FMNL2: variants seen among roughly 807,000 people sequenced by gnomAD.
FMNL2 encodes formin like 2.
In FMNL2, 51 loss-of-function variants were observed where a neutral mutation model predicts 130.2. That is an observed-to-expected ratio of 0.39 (90% CI 0.31 to 0.49). The LOEUF is 0.49. Among genes scored for constraint, FMNL2 ranks in the 20% least tolerant of loss-of-function variants. The pLI is 0.85. For missense variants in FMNL2, 977 were observed against 1,316.2 expected (o/e 0.74, Z 3.99); for synonymous variants, 465 against 467.1 (o/e 1.00, Z 0.06).
chr2:152,412,808 A>G (rs995548784), intron 1 of FMNL2, among the ~76,000 whole-genome samples: 1 of 151,674 alleles, frequency 6.6e-6, no homozygotes, highest in African/African-American at 2.4e-5. Context: ...CCCTGTCTCA[A>G]AAAAAAAGCT....
chr2:152,558,880 C>T, intron 5 of FMNL2, 57 bp downstream of exon 5: 2 of 1,456,200 alleles, frequency 1.4e-6, no homozygotes, highest in Non-Finnish European at 1.9e-6. Context: ...GCAGATGCTA[C>T]TCAGTGGTAA....
intron 1 of FMNL2, among the ~76,000 whole-genome samples, chr2:152,408,075 AGAG>A (rs879796673): frequency 3.3e-5 from 5 of 152,146 alleles, no homozygotes; most frequent in African/African-American, 4.8e-5. Flanking sequence ...ACAGGGTTGG[AGAG>A]TTTCTCTGGT....
At chr2:152,451,072 G>A (rs1688614958) in intron 1 of FMNL2, among the ~76,000 whole-genome samples, 1 of 152,218 alleles carries the variant, frequency 6.6e-6, no homozygotes, top group Non-Finnish European at 1.5e-5. Context: ...AAAACCATGG[G>A]AGGAGATAAC....
chr2:152,595,101 A>G (rs940220999), intron 9 of FMNL2, among the ~76,000 whole-genome samples: 17 of 152,176 alleles, frequency 1.1e-4, no homozygotes, highest in Admixed American at 2.6e-4. Context: ...CCCTGCCAAT[A>G]ACTGTACTAG....
At chr2:152,388,446 C>A (rs899188847) in intron 1 of FMNL2, among the ~76,000 whole-genome samples, 1 of 152,104 alleles carries the variant, frequency 6.6e-6, no homozygotes, top group Non-Finnish European at 1.5e-5. Flanking sequence ...GAGAAAAGCC[C>A]TTACGAAACC....
At chr2:152,519,875 C>T (rs950749838) in intron 1 of FMNL2, among the ~76,000 whole-genome samples, 18 of 152,242 alleles carry the variant, frequency 1.2e-4, no homozygotes, top group Non-Finnish European at 1.5e-5. Context: ...AGGAAAAGAA[C>T]TCATTTAATT....
chr2:152,626,559 A>G lies in FMNL2; in HGVS notation c.1997A>G (p.Lys666Arg). 6.2e-7 allele frequency: 1 copy of G among 1,611,080 alleles called. No homozygotes were observed. Among genetic ancestry groups the G allele is most frequent in the South Asian group, 1.1e-5 (1 of 90,282 alleles). Reference protein sequence around the residue: ...LNVDEFEEIFKTKAQGPAIDL... With the variant: ...LNVDEFEEIFRTKAQGPAIDL... ...GTGGATGAATTTGAGGAAATATTCA[A>G]GACAAAAGCCCAAGGACCTGCCATT... Residue 666 changes from lysine (K) to arginine (R), a missense_variant, in exon 17 of 26, where the codon AAG (lysine) becomes AGG (arginine). Lys to Arg is a conservative substitution (Grantham distance 26, BLOSUM62 2). Around this residue, in one of 4 missense-constraint regions of FMNL2, gnomAD observed 689 missense variants for 995.9 expected, o/e 0.69. Coordinates refer to ENST00000288670, the MANE Select transcript of FMNL2 (RefSeq NM_052905.4).
chr2:152,545,870 C>T (rs111299631), intron 3 of FMNL2, among the ~76,000 whole-genome samples: 64 of 152,180 alleles, frequency 4.2e-4, no homozygotes, highest in African/African-American at 1.4e-3. Flanking sequence ...AGAATCTAGC[C>T]GAAAATTGAG....
chr2:152,358,220 G>C (rs994427151), intron 1 of FMNL2, among the ~76,000 whole-genome samples: 1 of 152,116 alleles, frequency 6.6e-6, no homozygotes, highest in Non-Finnish European at 1.5e-5. Flanking sequence ...AGGGGCTCTC[G>C]GGCATTTGGC....
chr2:152,376,722 T>C (rs1443698845), intron 1 of FMNL2, among the ~76,000 whole-genome samples: 1 of 152,244 alleles, frequency 6.6e-6, no homozygotes, highest in East Asian at 1.9e-4. Context: ...GGCTCTTCTT[T>C]ATTCTCAGAG....
At chr2:152,385,289 G>A (rs1369630749) in intron 1 of FMNL2, among the ~76,000 whole-genome samples, 1 of 152,252 alleles carries the variant, frequency 6.6e-6, no homozygotes, top group African/African-American at 2.4e-5. Flanking sequence ...TTCTCTTGCA[G>A]AGAGTAAAGA....
rs140029440 is a variant in FMNL2 at position 152,496,180 on chromosome 2, C to T, written c.118-25763C>T. Reference sequence around the variant, plus strand: ...CTTTTCTGGGTCCGGGATCTAGGGCCGGTTCCTACATTGCATTTAGTTGTT... The same window carrying T: ...CTTTTCTGGGTCCGGGATCTAGGGCTGGTTCCTACATTGCATTTAGTTGTT... On this transcript the variant is annotated intron_variant, in intron 1 of 25. Transcript: ENST00000288670. 1.1e-4 allele frequency among the ~76,000 whole-genome samples: 17 copies of T among 152,106 alleles called. No individual in the cohort carries two copies. The East Asian group carries it at 2.9e-3, about 26-fold the overall frequency.
At chr2:152,632,221 T>C in intron 21 of FMNL2, 84 bp downstream of exon 21, 2 of 1,519,798 alleles carry the variant, frequency 1.3e-6, no homozygotes, top group South Asian at 1.3e-5. Flanking sequence ...TAAACACTTT[T>C]CAGAACCCAT....
Position 152,648,139 on chromosome 2 carries a change from T to TTAGG in FMNL2, c.*237_*240dup, listed in dbSNP as rs1465033502. 6.4e-6 allele frequency: 3 copies of TTAGG among 469,302 alleles called. No homozygotes were observed. The highest frequency in any genetic ancestry group is 6.1e-5 in the African/African-American group (3 of 49,170). The allele number at this position is 469,302 out of a possible 1,614,324, so 29.1% of individuals were successfully genotyped here. A position where few individuals can be genotyped will look rare whatever the true frequency, so the allele number is the denominator to read the frequency against. ...ATCAAAGCAATAGGATTTGATTTGA[T>TTAGG]TAGGTATCTTTTTACACCAGTATGT... On this transcript the variant is annotated 3_prime_UTR_variant, in exon 26 of 26. Coordinates refer to ENST00000288670, the MANE Select transcript of FMNL2 (RefSeq NM_052905.4).
At chr2:152,364,197 T>C (rs963547755) in intron 1 of FMNL2, among the ~76,000 whole-genome samples, 8 of 151,342 alleles carry the variant, frequency 5.3e-5, no homozygotes, top group African/African-American at 1.7e-4. Flanking sequence ...CAGACTACAT[T>C]TGGTCATTTT....
chr2:152,579,354 C>T (rs1356147083), intron 8 of FMNL2, among the ~76,000 whole-genome samples: 2 of 152,182 alleles, frequency 1.3e-5, no homozygotes, highest in African/African-American at 4.8e-5. Context: ...GTCTACACTT[C>T]GCTTGATAAC....
intron 9 of FMNL2, among the ~76,000 whole-genome samples, chr2:152,589,977 A>ATGTATG (rs1427052462): frequency 8.9e-5 from 4 of 44,928 alleles, no homozygotes; most frequent in South Asian, 5.2e-4. Context: ...ATATATATAT[A>ATGTATG]TATATATGTA....
intron 1 of FMNL2, among the ~76,000 whole-genome samples, chr2:152,341,711 A>G (rs1381384259): frequency 6.6e-6 from 1 of 152,244 alleles, no homozygotes; most frequent in East Asian, 1.9e-4. Flanking sequence ...ATTGTGATTC[A>G]TTAGTTGACA....
At chr2:152,521,174 T>C (rs1693064882) in intron 1 of FMNL2, among the ~76,000 whole-genome samples, 1 of 152,206 alleles carries the variant, frequency 6.6e-6, no homozygotes, top group African/African-American at 2.4e-5. Context: ...CCAAACCTAG[T>C]ATCTTAAAAA....
Sources: gnomAD v4.1 joint callset for allele counts (sites outside exome capture counted in the v4.1 genomes callset) on GRCh38, gnomAD v4.1.1 for gene constraint, gnomAD v4.1.1 regional missense constraint, MANE v1.5 for transcripts, NCBI Gene and HGNC (gene_info 2026-07-23, HGNC 2026-07-21) for gene names.